TTC6: variants seen among roughly 807,000 people sequenced by gnomAD.
The protein encoded by TTC6 is tetratricopeptide repeat protein 6.
TTC6 carries 172 observed loss-of-function variants against 210.4 expected under a neutral mutation model. That is an observed-to-expected ratio of 0.82 (90% CI 0.72 to 0.93). TTC6 has a LOEUF of 0.93. Among genes scored for constraint, TTC6 ranks in the 40% least tolerant of loss-of-function variants. The pLI, the probability that TTC6 is intolerant of heterozygous loss-of-function variation, is 0.00. For missense variants in TTC6, 2,414 were observed against 2,318.1 expected (o/e 1.04, Z -0.85); for synonymous variants, 804 against 819.6 (o/e 0.98, Z 0.32).
Position 37,796,785 on chromosome 14 carries a change from A to G in TTC6, c.3869-2A>G, listed in dbSNP as rs766097785. On this transcript the variant is annotated splice_acceptor_variant, in intron 19 of 30. Coordinates refer to ENST00000553443, the Ensembl canonical transcript of TTC6. LOFTEE classifies it high-confidence loss of function. Reference sequence around the variant, plus strand: ...TATTGATAAACTTTCCTTCCCTTTTAGGTCTCAGTGAGTTGAGTCCTATGC... The same window carrying G: ...TATTGATAAACTTTCCTTCCCTTTTGGGTCTCAGTGAGTTGAGTCCTATGC... 6.3e-7 allele frequency: 1 copy of G among 1,594,126 alleles called. No homozygotes were observed. The highest frequency in any genetic ancestry group is 8.5e-7 in the Non-Finnish European group (1 of 1,172,580).
chr14:37,733,299 C>CT (rs1015614261), intron 7 of TTC6, among the ~76,000 whole-genome samples: 2 of 151,936 alleles, frequency 1.3e-5, no homozygotes, highest in Admixed American at 6.6e-5. Context: ...ATATTTATCT[C>CT]TTTTTTTGGC....
In TTC6 at chr14:37,842,136, G is replaced by T; in HGVS notation, c.5525-19G>T. 1 of 1,489,800 alleles carries T rather than the reference G, an allele frequency of 6.7e-7. No individual in the cohort carries two copies. Among genetic ancestry groups the T allele is most frequent in the Non-Finnish European group, 8.9e-7 (1 of 1,122,236 alleles). The allele number at this position is 1,489,800 out of a possible 1,614,324, so 92.3% of individuals were successfully genotyped here. Reference sequence around the variant, plus strand: ...TTGAGTGCCAACTTAAATATATCTTGATTTTTTTTCTTTTGCAGCCCTGTC... The same window carrying T: ...TTGAGTGCCAACTTAAATATATCTTTATTTTTTTTCTTTTGCAGCCCTGTC... On this transcript the variant is annotated intron_variant, in intron 30 of 30. Transcript: ENST00000553443.
At chr14:37,633,289 C>T (rs188487417) in intron 1 of TTC6, among the ~76,000 whole-genome samples, 19 of 152,292 alleles carry the variant, frequency 1.2e-4, no homozygotes, top group Admixed American at 3.3e-4. Context: ...CTGCATGTTG[C>T]GAAGACCGTG....
At chr14:37,798,806 CA>C (rs747315536) in intron 20 of TTC6, among the ~76,000 whole-genome samples, 2 of 152,018 alleles carry the variant, frequency 1.3e-5, no homozygotes, top group Non-Finnish European at 2.9e-5. Context: ...AATTTTTCAT[CA>C]GGTATTGAAA....
intron 10 of TTC6, among the ~76,000 whole-genome samples, chr14:37,744,784 C>A (rs1353356559): frequency 6.6e-6 from 1 of 152,018 alleles, no homozygotes; most frequent in African/African-American, 2.4e-5. Flanking sequence ...TTCATATGAT[C>A]TAGTTTATGT....
At chr14:37,775,518 T>G (rs533213084) in intron 14 of TTC6, among the ~76,000 whole-genome samples, 19 of 152,338 alleles carry the variant, frequency 1.2e-4, no homozygotes, top group African/African-American at 4.1e-4. Flanking sequence ...TTCTTAAATT[T>G]CCATGTAATT....
intron 1 of TTC6, among the ~76,000 whole-genome samples, chr14:37,647,604 G>A (rs2095703887): frequency 6.6e-6 from 1 of 152,122 alleles, no homozygotes; most frequent in Non-Finnish European, 1.5e-5. Context: ...GACATGTTAA[G>A]TTTGAGGTGC....
At chr14:37,778,237 T>A (rs907817926) in intron 14 of TTC6, among the ~76,000 whole-genome samples, 1 of 152,144 alleles carries the variant, frequency 6.6e-6, no homozygotes, top group Non-Finnish European at 1.5e-5. Context: ...GACACTGGTG[T>A]CCATTCATGT....
chr14:37,820,403 G>T (rs2139476991), intron 26 of TTC6, among the ~76,000 whole-genome samples: 1 of 152,322 alleles, frequency 6.6e-6, no homozygotes, highest in South Asian at 2.1e-4. Flanking sequence ...GATGGGTACA[G>T]AAAAATAGCT....
intron 2 of TTC6, among the ~76,000 whole-genome samples, chr14:37,680,588 TTGTC>T (rs1211184619): frequency 6.6e-6 from 1 of 152,166 alleles, no homozygotes; most frequent in African/African-American, 2.4e-5. Flanking sequence ...AGCATTACTT[TTGTC>T]TGTATTCAGC....
chr14:37,733,848 G>A (rs1046269986), intron 7 of TTC6, among the ~76,000 whole-genome samples: 2 of 151,856 alleles, frequency 1.3e-5, no homozygotes, highest in East Asian at 3.9e-4. Flanking sequence ...TCTTGTGCTT[G>A]GTATTGGATT....
At chr14:37,736,263 C>T (rs914299939) in intron 8 of TTC6, among the ~76,000 whole-genome samples, 2 of 151,964 alleles carry the variant, frequency 1.3e-5, no homozygotes, top group Non-Finnish European at 2.9e-5. Context: ...TGGCACGTGC[C>T]TGTATCTCAG....
chr14:37,832,434 C>CT (rs1316352282), intron 29 of TTC6, among the ~76,000 whole-genome samples: 1 of 125,834 alleles, frequency 7.9e-6, no homozygotes, highest in Non-Finnish European at 1.7e-5. Context: ...AATCATTCTA[C>CT]TTTTTTGATG....
rs1566844112 is a variant in TTC6 at position 37,622,242 on chromosome 14, G to A, written c.178G>A (p.Ala60Thr). The change falls in exon 1 of 31, where the codon GCC (alanine) becomes ACC (threonine). Residue 60 changes from alanine to threonine, a missense_variant. Transcript: ENST00000553443. ...CCACAGCCTCCATGCCCCCGGCCCG[G>A]CCCGCCCCGCGCGCGTTTCCTGCGC... The A allele has an allele frequency of 5.2e-6, 8 of 1,535,254 alleles. No individual in the cohort carries two copies. The Middle Eastern group carries it at 5.0e-4, about 96-fold the overall frequency.
chr14:37,597,562 T>G (rs2095606980), intron 1 of TTC6, among the ~76,000 whole-genome samples: 1 of 151,972 alleles, frequency 6.6e-6, no homozygotes, highest in Admixed American at 6.6e-5. Flanking sequence ...AAAAATTGAC[T>G]TAAGAAAAAA....
chr14:37,784,398 C>T (rs1279221240), intron 14 of TTC6, among the ~76,000 whole-genome samples: 1 of 152,040 alleles, frequency 6.6e-6, no homozygotes, highest in African/African-American at 2.4e-5. Context: ...GTCTTTTGAT[C>T]TTTGTTGGTT....
intron 30 of TTC6, 171 bp downstream of exon 32, chr14:37,841,841 TCTTAA>T: frequency 3.0e-6 from 2 of 656,858 alleles, no homozygotes; most frequent in African/African-American, 1.9e-5. Context: ...TTATGTAATG[TCTTAA>T]CTTAAAGCTG....
intron 14 of TTC6, among the ~76,000 whole-genome samples, chr14:37,768,570 A>G (rs948848020): frequency 2.0e-5 from 3 of 151,962 alleles, no homozygotes; most frequent in Non-Finnish European, 4.4e-5. Flanking sequence ...GCAATTGTGA[A>G]TGGGAGTTCA....
chr14:37,777,906 G>C (rs2096042800), intron 14 of TTC6, among the ~76,000 whole-genome samples: 1 of 151,880 alleles, frequency 6.6e-6, no homozygotes, highest in Admixed American at 6.6e-5. Flanking sequence ...CAGCACTCCT[G>C]GGCTGCATGT....
Sources: allele counts gnomAD v4.1 joint callset (sites outside exome capture counted in the v4.1 genomes callset), GRCh38; gene constraint gnomAD v4.1.1; transcripts MANE v1.5; gene names NCBI Gene and HGNC (gene_info 2026-07-23, HGNC 2026-07-21).